The following PCYT1B variants were observed in gnomAD, a reference collection of about 807,000 sequenced individuals.
PCYT1B encodes the protein choline-phosphate cytidylyltransferase B.
PCYT1B carries 10 observed loss-of-function variants against 26.4 expected under a neutral mutation model. The observed-to-expected ratio is 0.38, with a 90% CI of 0.23 to 0.64. PCYT1B has a LOEUF of 0.64. Among genes scored for constraint, PCYT1B ranks in the 30% least tolerant of loss-of-function variants. The pLI, the probability that PCYT1B is intolerant of heterozygous loss-of-function variation, is 0.56. For synonymous variants in PCYT1B, 131 were observed against 108.4 expected (o/e 1.21, Z -1.29); for missense variants, 161 against 292.7 (o/e 0.55, Z 3.28).
At chrX:24,671,318 C>CATGAATGA (rs754548246) in intron 1 of PCYT1B, among the ~76,000 whole-genome samples, 8 of 83,902 alleles carry the variant, frequency 9.5e-5, no homozygotes, top group African/African-American at 2.1e-4. Context: ...TGAAATGAGG[C>CATGAATGA]ATGAATGAAT....
chrX:24,656,691 T>G (rs187989134), intron 1 of PCYT1B, among the ~76,000 whole-genome samples: 1,254 of 105,982 alleles, frequency 0.012, 27 homozygotes, highest in African/African-American at 0.042. Context: ...GAGTAGCTGG[T>G]ATTACAGGCA....
At chrX:24,625,288 A>C (rs1029079768) in intron 1 of PCYT1B, among the ~76,000 whole-genome samples, 2 of 112,481 alleles carry the variant, frequency 1.8e-5, no homozygotes, top group Non-Finnish European at 3.7e-5. Context: ...CAGCAGCCTC[A>C]TACTGTTAGG....
intron 3 of PCYT1B, among the ~76,000 whole-genome samples, chrX:24,593,445 CT>C (rs199612406): frequency 0.024 from 369 of 15,626 alleles, 6 homozygotes; most frequent in East Asian, 0.048. Flanking sequence ...TTCTTTCTTT[CT>C]TTTCTTTTCT....
intron 2 of PCYT1B, among the ~76,000 whole-genome samples, chrX:24,612,288 C>A (rs1396088176): frequency 1.8e-5 from 2 of 112,603 alleles, no homozygotes; most frequent in Non-Finnish European, 3.7e-5. Context: ...TGGGGTGACA[C>A]CTTAAATGCA....
chrX:24,593,445 CTTTTCTTTTCTTTTCTTTTCTTTTCT>C (rs1489803275), intron 3 of PCYT1B, among the ~76,000 whole-genome samples: 26 of 15,652 alleles, frequency 1.7e-3, no homozygotes, highest in Admixed American at 2.7e-3. Context: ...TTCTTTCTTT[CTTTTCTTTTCTTTTCTTTTCTTTTCT>C]TTTCTTTTCT....
At chrX:24,589,540 C>G (rs16983175) in intron 4 of PCYT1B, among the ~76,000 whole-genome samples, 2,007 of 111,605 alleles carry the variant, frequency 0.018, 47 homozygotes, top group African/African-American at 0.061. Flanking sequence ...TTCATTTGTC[C>G]CATGAAAAAG....
At chrX:24,599,136 A>G in intron 3 of PCYT1B, among the ~76,000 whole-genome samples, 1 of 111,666 alleles carries the variant, frequency 9.0e-6, no homozygotes, top group Non-Finnish European at 1.9e-5. Flanking sequence ...GCCTTTTGTT[A>G]GAAGTCCCAG....
chrX:24,663,165 A>C (rs772237731), intron 1 of PCYT1B, among the ~76,000 whole-genome samples: 6 of 112,450 alleles, frequency 5.3e-5, no homozygotes, highest in Admixed American at 9.5e-5. Context: ...TCCCTAATAA[A>C]AAAAATTACT....
chrX:24,575,321 G>A lies in PCYT1B; in HGVS notation c.709-3C>T. 8.8e-7 allele frequency: 1 copy of A among 1,135,296 alleles called. No homozygotes were observed. The highest frequency in any genetic ancestry group is 1.2e-6 in the Non-Finnish European group (1 of 856,584). The allele number at this position is 1,135,296 out of a possible 1,213,427, so 93.6% of individuals were successfully genotyped here. A position where few individuals can be genotyped will look rare whatever the true frequency, so the allele number is the denominator to read the frequency against. On this transcript the variant is annotated splice_polypyrimidine_tract_variant and splice_region_variant and intron_variant, in intron 6 of 7. Coordinates refer to ENST00000379144, the MANE Select transcript of PCYT1B (RefSeq NM_004845.5). ...TTCTGGAAACGGTACCTCTTCTCCT[G>A]GTGAAAGTTTACAGGAAAAAAAAAA...
chrX:24,565,681 G>A (rs1006254155), intron 7 of PCYT1B, among the ~76,000 whole-genome samples: 8 of 109,464 alleles, frequency 7.3e-5, no homozygotes, highest in Non-Finnish European at 1.3e-4. Flanking sequence ...GATCAGATCT[G>A]TGTTTTAGAA....
chrX:24,595,473 C>T (rs1176625916), intron 3 of PCYT1B, among the ~76,000 whole-genome samples: 5 of 110,745 alleles, frequency 4.5e-5, no homozygotes, highest in Non-Finnish European at 3.8e-5. Flanking sequence ...TGGGCTCAGA[C>T]AGTGAGGGCA....
chrX:24,591,652 A>G (rs1924571270), intron 3 of PCYT1B, among the ~76,000 whole-genome samples: 1 of 110,971 alleles, frequency 9.0e-6, no homozygotes, highest in African/African-American at 3.3e-5. Flanking sequence ...CGAACTCCTG[A>G]CTGCAAGTGA....
At chrX:24,634,773 C>CAAA (rs1239500810) in intron 1 of PCYT1B, among the ~76,000 whole-genome samples, 8 of 110,939 alleles carry the variant, frequency 7.2e-5, no homozygotes, top group Non-Finnish European at 1.1e-4. Flanking sequence ...ACAACAACAA[C>CAAA]AAAAACATTT....
chrX:24,566,771 G>A (rs1193352022), intron 7 of PCYT1B, among the ~76,000 whole-genome samples: 2 of 111,454 alleles, frequency 1.8e-5, no homozygotes, highest in African/African-American at 3.3e-5. Flanking sequence ...GCTCTAGCCC[G>A]TTACTTTGTA....
At chrX:24,660,054 G>C (rs182042757) in intron 1 of PCYT1B, among the ~76,000 whole-genome samples, 1 of 111,497 alleles carries the variant, frequency 9.0e-6, no homozygotes, top group African/African-American at 3.3e-5. Flanking sequence ...AAAACACTGA[G>C]GGCTGATTCC....
At position 24,559,157 on chromosome X, in the gene PCYT1B, A is replaced by G. The variant is rs1923278699; in HGVS notation, c.*3136T>C. 9.1e-6 allele frequency: 1 copy of G among 110,300 alleles called. No homozygotes were observed. The highest frequency in any genetic ancestry group is 1.9e-5 in the Non-Finnish European group (1 of 52,785). The allele number at this position is 110,300 out of a possible 1,213,427, so 9.1% of individuals were successfully genotyped here. A position where few individuals can be genotyped will look rare whatever the true frequency, so the allele number is the denominator to read the frequency against. On this transcript the variant is annotated 3_prime_UTR_variant, in exon 8 of 8. Coordinates refer to ENST00000379144, the MANE Select transcript of PCYT1B (RefSeq NM_004845.5). ...CATGGTGAAACCCCGTCTCTACTAAACATACAAAAATTAGCTGGGTGTCGT... is the reference window on the plus strand; with the variant it reads ...CATGGTGAAACCCCGTCTCTACTAAGCATACAAAAATTAGCTGGGTGTCGT...
intron 6 of PCYT1B, among the ~76,000 whole-genome samples, chrX:24,578,506 T>C (rs924529013): frequency 8.9e-6 from 1 of 112,208 alleles, no homozygotes; most frequent in Non-Finnish European, 1.9e-5. Flanking sequence ...TGCTCTATTA[T>C]TAAACTAACA....
chrX:24,578,646 C>A, intron 6 of PCYT1B, among the ~76,000 whole-genome samples: 1 of 111,729 alleles, frequency 9.0e-6, no homozygotes, highest in African/African-American at 3.2e-5. Context: ...ATCTGTAAGG[C>A]CTTAATCAAA....
chrX:24,655,932 A>G (rs1019470190), intron 1 of PCYT1B, among the ~76,000 whole-genome samples: 4 of 104,466 alleles, frequency 3.8e-5, no homozygotes, highest in African/African-American at 1.4e-4. Flanking sequence ...AGCCTGGCCA[A>G]CATGGCAAAA....
Sources: allele counts gnomAD v4.1 joint callset (sites outside exome capture counted in the v4.1 genomes callset), GRCh38; gene constraint gnomAD v4.1.1; transcripts MANE v1.5; gene names NCBI Gene and HGNC (gene_info 2026-07-23, HGNC 2026-07-21).